The following ANGPT2 variants were observed in gnomAD, a reference collection of about 807,000 sequenced individuals.
The protein encoded by ANGPT2 is angiopoietin 2, also known as angiopoietin-2.
A neutral mutation model predicts 62.9 loss-of-function variants in ANGPT2; 28 were observed. That is an observed-to-expected ratio of 0.44 (90% CI 0.33 to 0.61). The LOEUF is 0.61. Ranked by LOEUF, ANGPT2 falls within the 20% of genes least tolerant of loss-of-function variation. The pLI, the probability that ANGPT2 is intolerant of heterozygous loss-of-function variation, is 0.03. For synonymous variants in ANGPT2, 284 were observed against 207.8 expected (o/e 1.37, Z -3.15); for missense variants, 727 against 594.9 (o/e 1.22, Z -2.31).
At chr8:6,553,108 T>C (rs1823954187) in intron 1 of ANGPT2, among the ~76,000 whole-genome samples, 1 of 152,048 alleles carries the variant, frequency 6.6e-6, no homozygotes, top group Non-Finnish European at 1.5e-5. Flanking sequence ...TGGGTGATAA[T>C]GATGGGTCAA....
At chr8:6,538,927 T>A (rs1272360615) in intron 1 of ANGPT2, among the ~76,000 whole-genome samples, 1 of 152,222 alleles carries the variant, frequency 6.6e-6, no homozygotes, top group African/African-American at 2.4e-5. Flanking sequence ...GACCTAATGT[T>A]CTTGGTTCCC....
intron 8 of ANGPT2, among the ~76,000 whole-genome samples, chr8:6,504,854 T>C (rs78342398): frequency 6.6e-6 from 1 of 152,040 alleles, no homozygotes. Context: ...TTTGATACTG[T>C]GTGTGATTTC....
chr8:6,543,354 A>G (rs931769715), intron 1 of ANGPT2, among the ~76,000 whole-genome samples: 3 of 152,130 alleles, frequency 2.0e-5, no homozygotes, highest in Non-Finnish European at 2.9e-5. Context: ...CTCTCCAACG[A>G]ACTGCTCCTC....
intron 8 of ANGPT2, among the ~76,000 whole-genome samples, chr8:6,503,641 A>G: frequency 6.6e-6 from 1 of 152,240 alleles, no homozygotes; most frequent in East Asian, 1.9e-4. Context: ...AGTCCCAGCA[A>G]CATGGTGGGC....
chr8:6,519,104 GAGA>G (rs1188261253), intron 5 of ANGPT2, among the ~76,000 whole-genome samples: 5 of 152,140 alleles, frequency 3.3e-5, no homozygotes, highest in Admixed American at 6.5e-5. Context: ...TCCGCTGCTG[GAGA>G]AGAAAATGAA....
chr8:6,512,900 G>T (rs1299983495), intron 7 of ANGPT2, among the ~76,000 whole-genome samples: 1 of 152,150 alleles, frequency 6.6e-6, no homozygotes, highest in Non-Finnish European at 1.5e-5. Context: ...ACCTAACTCT[G>T]CCATCTCTAA....
intron 1 of ANGPT2, among the ~76,000 whole-genome samples, chr8:6,552,463 C>T (rs1355003644): frequency 6.6e-6 from 1 of 152,150 alleles, no homozygotes; most frequent in African/African-American, 2.4e-5. Flanking sequence ...TTCGAGTAAA[C>T]ATGTGCTTTG....
chr8:6,550,553 C>T (rs1397453505), intron 1 of ANGPT2, among the ~76,000 whole-genome samples: 2 of 152,224 alleles, frequency 1.3e-5, no homozygotes, highest in Non-Finnish European at 2.9e-5. Context: ...TTTGTTCCCA[C>T]TCGGGGTGAG....
intron 7 of ANGPT2, 82 bp from the exon 8 acceptor site, chr8:6,509,144 C>G (rs1167707508): frequency 1.3e-6 from 2 of 1,528,326 alleles, no homozygotes; most frequent in East Asian, 4.5e-5. Context: ...ATGAAGAATT[C>G]CATTCTACAG....
chr8:6,545,164 T>C (rs911024453), intron 1 of ANGPT2, among the ~76,000 whole-genome samples: 4 of 151,954 alleles, frequency 2.6e-5, no homozygotes, highest in African/African-American at 7.3e-5. Flanking sequence ...GTCAGAATAA[T>C]GTCTTCCGGG....
intron 3 of ANGPT2, among the ~76,000 whole-genome samples, chr8:6,526,434 C>CAA (rs796967069): frequency 7.2e-6 from 1 of 138,850 alleles, no homozygotes; most frequent in Non-Finnish European, 1.6e-5. Context: ...GACCCTGTCT[C>CAA]AAAAAAAAAA....
intron 8 of ANGPT2, among the ~76,000 whole-genome samples, 185 bp from the exon 9 acceptor site, chr8:6,503,446 C>A (rs1342196724): frequency 6.6e-6 from 1 of 152,202 alleles, no homozygotes; most frequent in African/African-American, 2.4e-5. Flanking sequence ...CCCATGACAT[C>A]ACAGTTCCAT....
At chr8:6,537,604 G>C (rs138440630) in intron 1 of ANGPT2, among the ~76,000 whole-genome samples, 1 of 151,700 alleles carries the variant, frequency 6.6e-6, no homozygotes, top group East Asian at 1.9e-4. Flanking sequence ...AATATGTTCT[G>C]AAGTTTTTTA....
intron 1 of ANGPT2, among the ~76,000 whole-genome samples, chr8:6,545,558 C>G (rs1822436168): frequency 6.6e-6 from 1 of 152,180 alleles, no homozygotes; most frequent in Non-Finnish European, 1.5e-5. Context: ...TTAAACCATT[C>G]CAGCCATCTG....
intron 2 of ANGPT2, among the ~76,000 whole-genome samples, chr8:6,527,940 G>C (rs1356523293): frequency 7.0e-6 from 1 of 143,570 alleles, no homozygotes; most frequent in Non-Finnish European, 1.5e-5. Flanking sequence ...CCATTGCCCG[G>C]GGTGGAGTGC....
chr8:6,540,511 G>C (rs1186833922), intron 1 of ANGPT2, among the ~76,000 whole-genome samples: 1 of 152,220 alleles, frequency 6.6e-6, no homozygotes, highest in Non-Finnish European at 1.5e-5. Flanking sequence ...TGAGCGTGCA[G>C]CCTCATGGCA....
intron 4 of ANGPT2, 32 bp downstream of exon 4, chr8:6,521,146 A>T: frequency 6.3e-7 from 1 of 1,577,328 alleles, no homozygotes. Flanking sequence ...AAAGGTTATT[A>T]ACGCTGAAGA....
chr8:6,521,236 C>A lies in ANGPT2; in HGVS notation c.741G>T (p.Gln247His). 1 of 1,613,908 alleles carries A rather than the reference C, an allele frequency of 6.2e-7. No individual in the cohort carries two copies. ...TAACTGTCTCCATGAGATCATGTTG[C>A]TGCTTCTGAAGAACTGAATTATTCA... Reference protein sequence around the residue: ...ATVNNSVLQKQQHDLMETVNN... With the variant: ...ATVNNSVLQKHQHDLMETVNN... The change falls in exon 4 of 9, where the codon CAG becomes CAT. Residue 247 changes from glutamine (Q) to histidine (H), a missense_variant. Physicochemically the swap from Gln to His is conservative, Grantham distance 24 (BLOSUM62 0). Coordinates refer to ENST00000629816, the MANE Select transcript of ANGPT2 (RefSeq NM_001118887.2).
intron 1 of ANGPT2, among the ~76,000 whole-genome samples, chr8:6,540,155 A>T (rs898586010): frequency 1.3e-5 from 2 of 152,122 alleles, no homozygotes; most frequent in African/African-American, 4.8e-5. Context: ...CTCTTCTTTG[A>T]GTGCAGCTGC....
Sources: allele counts gnomAD v4.1 joint callset (sites outside exome capture counted in the v4.1 genomes callset), GRCh38; gene constraint gnomAD v4.1.1; transcripts MANE v1.5; gene names NCBI Gene and HGNC (gene_info 2026-07-23, HGNC 2026-07-21).